FHOD3: variants seen among roughly 807,000 people sequenced by gnomAD.
FHOD3 encodes FH1/FH2 domain-containing protein 3.
In FHOD3, 90 loss-of-function variants were observed where a neutral mutation model predicts 173.0. The observed-to-expected ratio is 0.52, with a 90% CI of 0.44 to 0.62. The LOEUF (loss-of-function observed/expected upper bound fraction) is 0.62, where lower values mean the gene tolerates loss of function less well. Ranked by LOEUF, FHOD3 falls within the 20% of genes least tolerant of loss-of-function variation. The pLI, the probability that FHOD3 is intolerant of heterozygous loss-of-function variation, is 0.00. For missense variants in FHOD3, 1,945 were observed against 2,034.7 expected (o/e 0.96, Z 0.85); for synonymous variants, 828 against 823.0 (o/e 1.01, Z -0.10).
chr18:36,380,583 C>CT (rs1568196309), intron 3 of FHOD3, among the ~76,000 whole-genome samples: 11 of 81,328 alleles, frequency 1.4e-4, no homozygotes, highest in African/African-American at 4.7e-4. Context: ...TTTTCTTTTC[C>CT]TTTCCTTTCC....
At chr18:36,410,461 T>C (rs1447116650) in intron 3 of FHOD3, among the ~76,000 whole-genome samples, 1 of 152,258 alleles carries the variant, frequency 6.6e-6, no homozygotes, top group Non-Finnish European at 1.5e-5. Flanking sequence ...AACATTTATG[T>C]ACAAGTTTTT....
intron 10 of FHOD3, among the ~76,000 whole-genome samples, chr18:36,633,293 C>T (rs962811501): frequency 1.7e-4 from 26 of 152,192 alleles, no homozygotes; most frequent in African/African-American, 6.3e-4. Context: ...TGTTTTTTCT[C>T]TCTTAGGAGA....
chr18:36,332,170 G>A (rs1447308354), intron 1 of FHOD3, among the ~76,000 whole-genome samples: 1 of 152,214 alleles, frequency 6.6e-6, no homozygotes, highest in Non-Finnish European at 1.5e-5. Context: ...TTATTGCAGA[G>A]TATGTATTGA....
chr18:36,670,473 T>C (rs778076841), intron 14 of FHOD3, among the ~76,000 whole-genome samples: 1 of 152,178 alleles, frequency 6.6e-6, no homozygotes, highest in Non-Finnish European at 1.5e-5. Context: ...TGTTGCTGTG[T>C]CTTCAAGTTC....
At chr18:36,557,506 C>T (rs536970920) in intron 5 of FHOD3, among the ~76,000 whole-genome samples, 1 of 152,212 alleles carries the variant, frequency 6.6e-6, no homozygotes, top group Non-Finnish European at 1.5e-5. Context: ...TCTTTACTAT[C>T]TTTCATGTAC....
chr18:36,763,276 G>A (rs892090261), intron 27 of FHOD3, among the ~76,000 whole-genome samples: 4 of 140,596 alleles, frequency 2.8e-5, no homozygotes, highest in Non-Finnish European at 6.1e-5. Flanking sequence ...TATTATACAC[G>A]TTATATACAA....
chr18:36,613,859 G>T (rs1011371205), intron 9 of FHOD3, among the ~76,000 whole-genome samples: 1 of 152,060 alleles, frequency 6.6e-6, no homozygotes, highest in Admixed American at 6.6e-5. Flanking sequence ...TTTTAGTAGA[G>T]ACAGGGTTTC....
At chr18:36,596,738 G>C (rs896888066) in intron 7 of FHOD3, among the ~76,000 whole-genome samples, 1 of 152,080 alleles carries the variant, frequency 6.6e-6, no homozygotes, top group Non-Finnish European at 1.5e-5. Context: ...GTACATGGAC[G>C]GGGGCTGTGA....
intron 10 of FHOD3, among the ~76,000 whole-genome samples, chr18:36,646,656 GACCCCTATCTT>G (rs1309074669): frequency 6.6e-6 from 1 of 152,140 alleles, no homozygotes; most frequent in Admixed American, 6.5e-5. Context: ...AAATGTATCT[GACCCCTATCTT>G]ACATGATAAC....
intron 3 of FHOD3, among the ~76,000 whole-genome samples, chr18:36,486,764 C>CA (rs1379903233): frequency 1.1e-4 from 17 of 152,258 alleles, no homozygotes; most frequent in African/African-American, 4.1e-4. Flanking sequence ...TCAAACAAGA[C>CA]AAAAAATATT....
At chr18:36,372,461 G>T (rs913949245) in intron 2 of FHOD3, among the ~76,000 whole-genome samples, 10 of 152,258 alleles carry the variant, frequency 6.6e-5, no homozygotes, top group African/African-American at 2.4e-4. Flanking sequence ...GCAGTGAGAT[G>T]CATGTGCCAA....
At chr18:36,312,327 C>G (rs1024397471) in intron 1 of FHOD3, among the ~76,000 whole-genome samples, 3 of 152,164 alleles carry the variant, frequency 2.0e-5, no homozygotes, top group African/African-American at 7.2e-5. Context: ...CACACCTCCT[C>G]CTCACAGTCA....
intron 19 of FHOD3, among the ~76,000 whole-genome samples, chr18:36,721,107 G>T (rs2040764000): frequency 6.6e-6 from 1 of 152,170 alleles, no homozygotes; most frequent in Non-Finnish European, 1.5e-5. Flanking sequence ...CCTGAAGCAG[G>T]TAGTGACCTC....
intron 28 of FHOD3, among the ~76,000 whole-genome samples, chr18:36,773,821 C>A (rs2043503835): frequency 6.6e-6 from 1 of 152,094 alleles, no homozygotes; most frequent in African/African-American, 2.4e-5. Flanking sequence ...CAATTAGTAG[C>A]CCAGACAGAT....
intron 5 of FHOD3, among the ~76,000 whole-genome samples, chr18:36,551,150 A>G (rs1399921584): frequency 6.6e-6 from 1 of 152,220 alleles, no homozygotes; most frequent in East Asian, 1.9e-4. Flanking sequence ...ATTTTCCTGC[A>G]TATATTGAAA....
intron 4 of FHOD3, among the ~76,000 whole-genome samples, chr18:36,507,545 T>C (rs931825529): frequency 2.6e-5 from 4 of 152,188 alleles, no homozygotes; most frequent in African/African-American, 9.6e-5. Flanking sequence ...GTGAGCTCAC[T>C]GGGGTTCATC....
intron 10 of FHOD3, among the ~76,000 whole-genome samples, chr18:36,639,503 T>C (rs2035136695): frequency 6.6e-6 from 1 of 151,676 alleles, no homozygotes; most frequent in Non-Finnish European, 1.5e-5. Flanking sequence ...TACTAAAAAA[T>C]ACAAAAAAAA....
intron 14 of FHOD3, among the ~76,000 whole-genome samples, chr18:36,675,254 G>A (rs1434201809): frequency 6.6e-6 from 1 of 152,072 alleles, no homozygotes; most frequent in Admixed American, 6.5e-5. Context: ...CTGATGCTCT[G>A]CCACTCACAT....
At chr18:36,383,677 G>A (rs1210579769) in intron 3 of FHOD3, among the ~76,000 whole-genome samples, 1 of 152,186 alleles carries the variant, frequency 6.6e-6, no homozygotes, top group Non-Finnish European at 1.5e-5. Context: ...CTTCCTACCA[G>A]GCACTGGGCA....
Sources: allele counts gnomAD v4.1 joint callset (sites outside exome capture counted in the v4.1 genomes callset), GRCh38; gene constraint gnomAD v4.1.1; transcripts MANE v1.5; gene names NCBI Gene and HGNC (gene_info 2026-07-23, HGNC 2026-07-21).